Variants in GPC6 observed in about 807,000 individuals in gnomAD.
The protein encoded by GPC6 is glypican-6.
A neutral mutation model predicts 55.2 loss-of-function variants in GPC6; 14 were observed. The observed-to-expected ratio is 0.25, with a 90% confidence interval of 0.17 to 0.40. The LOEUF is 0.40. Among genes scored for constraint, GPC6 ranks in the 10% least tolerant of loss-of-function variants. The probability of loss-of-function intolerance (pLI) is 1.00; values close to 1 mark genes in which losing one functional copy is unlikely to be tolerated. For synonymous variants in GPC6, 278 were observed against 259.6 expected (o/e 1.07, Z -0.68); for missense variants, 641 against 708.5 (o/e 0.90, Z 1.08).
At chr13:93,549,445 G>A (rs1189120482) in intron 2 of GPC6, among the ~76,000 whole-genome samples, 1 of 152,172 alleles carries the variant, frequency 6.6e-6, no homozygotes, top group African/African-American at 2.4e-5. Context: ...GTAGTCATAA[G>A]AGGCAACATC....
At position 94,398,471 on chromosome 13, in the gene GPC6, T is replaced by G. The variant is rs533105640; in HGVS notation, c.1295T>G (p.Leu432Trp). 3.7e-6 allele frequency: 6 copies of G among 1,612,458 alleles called. No homozygotes were observed. The highest frequency in any genetic ancestry group is 4.2e-6 in the Non-Finnish European group (5 of 1,178,648). The change falls in exon 8 of 9, where the codon TTG becomes TGG. Residue 432 changes from leucine (L) to tryptophan (W), a missense_variant. Leu to Trp is a moderately conservative substitution (Grantham distance 61). Transcript: ENST00000377047. ...CWNGHSKARY[L>W]PEIMNDGLTN... The stretch of plus-strand genomic sequence containing the variant: ...TCTCACTCTCTGCCTTGCAGATACT[T>G]GCCTGAGATCATGAATGATGGGCTC...
chr13:93,319,558 A>C (rs748502975), intron 1 of GPC6, among the ~76,000 whole-genome samples: 1 of 149,624 alleles, frequency 6.7e-6, no homozygotes, highest in African/African-American at 2.4e-5. Flanking sequence ...TAAAATAAAG[A>C]GTAGAAGCAT....
intron 1 of GPC6, among the ~76,000 whole-genome samples, chr13:93,418,929 T>C (rs368883686): frequency 6.6e-6 from 1 of 151,224 alleles, no homozygotes; most frequent in Admixed American, 6.6e-5. Flanking sequence ...TTAATAGCAC[T>C]ATACCATAGT....
At chr13:94,114,955 C>T (rs752891927) in intron 4 of GPC6, among the ~76,000 whole-genome samples, 6 of 152,104 alleles carry the variant, frequency 3.9e-5, no homozygotes, top group South Asian at 2.1e-4. Flanking sequence ...TCATGGCCAC[C>T]GGCCATGAGA....
At chr13:93,228,061 C>T (rs993919906) in intron 1 of GPC6, among the ~76,000 whole-genome samples, 1 of 152,126 alleles carries the variant, frequency 6.6e-6, no homozygotes, top group Non-Finnish European at 1.5e-5. Flanking sequence ...TCTCCACTCC[C>T]GCCCTTGCGC....
chr13:94,310,262 T>C (rs1301507059), intron 6 of GPC6, among the ~76,000 whole-genome samples: 6 of 152,144 alleles, frequency 3.9e-5, no homozygotes, highest in Admixed American at 1.3e-4. Flanking sequence ...TAGAGGAATA[T>C]ATTTTATAAA....
intron 4 of GPC6, among the ~76,000 whole-genome samples, chr13:94,195,392 G>A (rs1566529398): frequency 6.6e-6 from 1 of 152,200 alleles, no homozygotes; most frequent in Non-Finnish European, 1.5e-5. Context: ...AGAGATGCTT[G>A]CAGTCCTGAA....
chr13:93,880,240 A>G (rs533454775), intron 3 of GPC6, among the ~76,000 whole-genome samples: 152 of 151,712 alleles, frequency 1.0e-3, no homozygotes, highest in African/African-American at 3.4e-3. Context: ...ACTATAAATC[A>G]TGCTGCTATA....
At chr13:94,190,077 A>C (rs570093070) in intron 4 of GPC6, among the ~76,000 whole-genome samples, 1 of 151,682 alleles carries the variant, frequency 6.6e-6, no homozygotes, top group African/African-American at 2.4e-5. Context: ...TAATCCCAAC[A>C]CTTTGGGAGG....
chr13:93,769,188 G>A (rs1410764881), intron 2 of GPC6, among the ~76,000 whole-genome samples: 1 of 151,940 alleles, frequency 6.6e-6, no homozygotes, highest in Non-Finnish European at 1.5e-5. Context: ...ATTAAATATG[G>A]TAGTCTTTGT....
chr13:93,450,958 A>C (rs1213453333), intron 1 of GPC6, among the ~76,000 whole-genome samples: 1 of 152,206 alleles, frequency 6.6e-6, no homozygotes, highest in Non-Finnish European at 1.5e-5. Context: ...GACCAGTGAA[A>C]AGGTTGTTAA....
At chr13:93,513,117 T>A (rs1409071677) in intron 1 of GPC6, among the ~76,000 whole-genome samples, 1 of 152,182 alleles carries the variant, frequency 6.6e-6, no homozygotes, top group Non-Finnish European at 1.5e-5. Flanking sequence ...CTGGAATTAA[T>A]CTTTGCTTTT....
chr13:94,363,983 T>A (rs1879178073), intron 6 of GPC6, among the ~76,000 whole-genome samples: 1 of 152,256 alleles, frequency 6.6e-6, no homozygotes, highest in Admixed American at 6.5e-5. Flanking sequence ...ATGTTTTGAA[T>A]AAGTTGTGTT....
intron 2 of GPC6, among the ~76,000 whole-genome samples, chr13:93,766,209 A>G (rs1226833546): frequency 6.6e-6 from 1 of 152,230 alleles, no homozygotes; most frequent in East Asian, 1.9e-4. Flanking sequence ...AAGAATTCAA[A>G]TGATGCCGTT....
chr13:93,544,648 C>G (rs928667506), intron 1 of GPC6, among the ~76,000 whole-genome samples: 6 of 152,176 alleles, frequency 3.9e-5, no homozygotes, highest in Admixed American at 3.9e-4. Context: ...GCTTTCATTC[C>G]TTTCATTCTA....
At chr13:93,596,086 T>C (rs1877714418) in intron 2 of GPC6, among the ~76,000 whole-genome samples, 1 of 152,208 alleles carries the variant, frequency 6.6e-6, no homozygotes, top group African/African-American at 2.4e-5. Flanking sequence ...TATTGCATTA[T>C]TCAGCTCCCT....
At chr13:94,380,034 A>G (rs1474936723) in intron 6 of GPC6, among the ~76,000 whole-genome samples, 1 of 152,226 alleles carries the variant, frequency 6.6e-6, no homozygotes, top group Non-Finnish European at 1.5e-5. Context: ...GTAGTGCAAC[A>G]TCCACCATTA....
chr13:93,475,183 C>T (rs938775081), intron 1 of GPC6, among the ~76,000 whole-genome samples: 1 of 144,162 alleles, frequency 6.9e-6, no homozygotes, highest in Non-Finnish European at 1.5e-5. Flanking sequence ...CACACACAAA[C>T]ACACACAGCA....
intron 1 of GPC6, among the ~76,000 whole-genome samples, chr13:93,469,450 T>G (rs577984366): frequency 6.6e-6 from 1 of 152,304 alleles, no homozygotes; most frequent in African/African-American, 2.4e-5. Flanking sequence ...ATCCTTTGGT[T>G]CTATTAACAA....
Sources: gnomAD v4.1 joint callset for allele counts (sites outside exome capture counted in the v4.1 genomes callset) on GRCh38, gnomAD v4.1.1 for gene constraint, MANE v1.5 for transcripts, NCBI Gene and HGNC (gene_info 2026-07-23, HGNC 2026-07-21) for gene names.